Variants in GDPD4 observed in about 807,000 individuals in gnomAD.
GDPD4 encodes glycerophosphodiester phosphodiesterase domain containing 4.
A neutral mutation model predicts 67.8 loss-of-function variants in GDPD4; 60 were observed. That is an observed-to-expected ratio of 0.88 (90% CI 0.72 to 1.10). GDPD4 has a LOEUF of 1.10. Ranked by LOEUF, GDPD4 falls within the 50% of genes least tolerant of loss-of-function variation. GDPD4 has a pLI of 0.00. For synonymous variants in GDPD4, 212 were observed against 210.9 expected (o/e 1.00, Z -0.04); for missense variants, 623 against 613.9 (o/e 1.01, Z -0.16).
At chr11:77,242,948 T>C (rs1958701189) in intron 13 of GDPD4, among the ~76,000 whole-genome samples, 1 of 152,124 alleles carries the variant, frequency 6.6e-6, no homozygotes, top group African/African-American at 2.4e-5. Context: ...TATAGATAGG[T>C]AGATAATAGA....
chr11:77,235,219 G>A (rs538894517), intron 13 of GDPD4, among the ~76,000 whole-genome samples: 1 of 151,936 alleles, frequency 6.6e-6, no homozygotes, highest in South Asian at 2.1e-4. Context: ...CAAGTGGAGT[G>A]ACATATGTGT....
chr11:77,236,093 GA>G (rs1160336266), intron 13 of GDPD4, among the ~76,000 whole-genome samples: 1 of 150,842 alleles, frequency 6.6e-6, no homozygotes, highest in Non-Finnish European at 1.5e-5. Context: ...AGGACAAATA[GA>G]AAAAAAATAG....
In GDPD4 at chr11:77,217,242, C is replaced by G. The variant is rs1565500524; in HGVS notation, c.*35G>C. 1 of 1,533,452 alleles carries G rather than the reference C, an allele frequency of 6.5e-7. No homozygotes were observed. 95.0% of individuals were successfully genotyped at this position (1,533,452 alleles called of 1,614,324 possible). ...GTCCAAGGACCTTCCACAACTCGGACAGGAGGTTTCATGGCTATGTGCAAA... is the reference window on the plus strand; with the variant it reads ...GTCCAAGGACCTTCCACAACTCGGAGAGGAGGTTTCATGGCTATGTGCAAA... On this transcript the variant is annotated 3_prime_UTR_variant, in exon 17 of 17. Coordinates refer to ENST00000315938, the MANE Select transcript of GDPD4 (RefSeq NM_182833.3).
At chr11:77,259,153 A>AT (rs942927192) in intron 10 of GDPD4, among the ~76,000 whole-genome samples, 15 of 151,744 alleles carry the variant, frequency 9.9e-5, no homozygotes, top group Non-Finnish European at 1.8e-4. Flanking sequence ...TTATTTTTGT[A>AT]TTTTTTAGTA....
intron 16 of GDPD4, among the ~76,000 whole-genome samples, chr11:77,219,303 T>C (rs2135815213): frequency 6.6e-6 from 1 of 152,356 alleles, no homozygotes; most frequent in Middle Eastern, 3.4e-3. Flanking sequence ...GATGGGTAGA[T>C]TGCAAAAATT....
rs1380926908 is a variant in GDPD4 at position 77,252,050 on chromosome 11, G to GTTTTTTT, written c.864+6335_864+6336insAAAAAAA. On this transcript the variant is annotated intron_variant, in intron 11 of 16. Transcript: ENST00000315938. ...GGTGTCCATTTGGGTTTTTTTGTTT[G>GTTTTTTT]TTTGTTTTTTTTTTGTTTTTTTTTT... is the stretch of plus-strand genomic sequence containing the variant. 2.5e-4 allele frequency among the ~76,000 whole-genome samples: 18 copies of GTTTTTTT among 71,936 alleles called. 1 individual carries two copies. The highest frequency in any genetic ancestry group is 8.9e-4 in the African/African-American group (16 of 17,914). The allele number at this position is 71,936 out of a possible 152,430, so 47.2% of individuals were successfully genotyped here. A position where few individuals can be genotyped will look rare whatever the true frequency, so the allele number is the denominator to read the frequency against.
intron 16 of GDPD4, among the ~76,000 whole-genome samples, chr11:77,223,844 C>T (rs1295414974): frequency 6.6e-6 from 1 of 152,178 alleles, no homozygotes; most frequent in African/African-American, 2.4e-5. Flanking sequence ...CTCCGGTGGG[C>T]TCCACCTAAT....
intron 16 of GDPD4, among the ~76,000 whole-genome samples, chr11:77,223,861 G>A (rs558748354): frequency 3.2e-4 from 48 of 152,240 alleles, no homozygotes; most frequent in African/African-American, 8.9e-4. Flanking sequence ...TAATTTGAGC[G>A]TCCTGGCTGC....
chr11:77,277,472 G>A (rs1959533932), intron 4 of GDPD4, among the ~76,000 whole-genome samples: 3 of 126,914 alleles, frequency 2.4e-5, no homozygotes, highest in Non-Finnish European at 4.7e-5. Context: ...GCTCGATCTC[G>A]GCTCAGTGCA....
At chr11:77,268,616 C>A (rs1959190325) in intron 9 of GDPD4, 77 bp from the exon 10 acceptor site, 2 of 1,165,150 alleles carry the variant, frequency 1.7e-6, no homozygotes, top group African/African-American at 1.6e-5. Flanking sequence ...AGGGGTAGAG[C>A]CCAGTAGGAT....
At chr11:77,299,534 AAG>A (rs1438781181) in intron 1 of GDPD4, among the ~76,000 whole-genome samples, 1 of 152,218 alleles carries the variant, frequency 6.6e-6, no homozygotes, top group African/African-American at 2.4e-5. Context: ...ATTTAACAGT[AAG>A]AGTTTATTGC....
At position 77,216,643 on chromosome 11, in the gene GDPD4, C is replaced by A. The variant is rs571162340; in HGVS notation, c.*634G>T. ...AGGTGTTAGGATGAGATAAACCTGA[C>A]AGCAACCAGTTCCAAGACCACACAC... On this transcript the variant is annotated 3_prime_UTR_variant, in exon 17 of 17. Coordinates refer to ENST00000315938, the MANE Select transcript of GDPD4 (RefSeq NM_182833.3). The A allele has an allele frequency of 2.8e-4, 124 of 444,918 alleles. No individual in the cohort carries two copies. Among genetic ancestry groups the A allele is most frequent in the Non-Finnish European group, 8.5e-5 (21 of 247,078 alleles). The allele number at this position is 444,918 out of a possible 1,614,324, so 27.6% of individuals were successfully genotyped here. A position where few individuals can be genotyped will look rare whatever the true frequency, so the allele number is the denominator to read the frequency against.
rs1958271632 is a variant in GDPD4 at position 77,223,717 on chromosome 11, ACT to A, written c.1525+4145_1525+4146del. Among the ~76,000 whole-genome samples the A allele has an allele frequency of 3.3e-5, 5 of 151,746 alleles. No homozygotes were observed. In the South Asian group the frequency reaches 8.3e-4, roughly 25 times the overall value. On this transcript the variant is annotated intron_variant, in intron 16 of 16. Coordinates refer to ENST00000315938, the MANE Select transcript of GDPD4 (RefSeq NM_182833.3). Reference sequence around the variant, plus strand: ...CAAACACTGTGCTGAGAGAACCACTACTCTCTTCAGAGCTGTCAGACAGGGAC... The same window carrying A: ...CAAACACTGTGCTGAGAGAACCACTACTCTTCAGAGCTGTCAGACAGGGAC...
At position 77,245,323 on chromosome 11, in the gene GDPD4, T is replaced by C. The variant is rs1181200966; in HGVS notation, c.1044A>G (p.Gln348=). 7 of 1,614,062 alleles carry C rather than the reference T, an allele frequency of 4.3e-6. No homozygotes were observed. The highest frequency in any genetic ancestry group is 4.5e-5 in the East Asian group (2 of 44,892). ...TAGAGGCAAGGATCACGCTTACTAC[T>C]TGGCGGACAAATGTGTGTCTGAGAG... ...KHPLRHTFVR[Q]VVSVILASKI... is the part of the protein sequence containing the mutation. The change falls in exon 12 of 17, where the codon CAA becomes CAG. Residue 348 remains glutamine, a synonymous_variant. Transcript: ENST00000315938.
At chr11:77,273,838 C>G (rs1959329414) in intron 5 of GDPD4, among the ~76,000 whole-genome samples, 1 of 152,234 alleles carries the variant, frequency 6.6e-6, no homozygotes, top group Admixed American at 6.5e-5. Context: ...AGCTAACCTA[C>G]TCCCTATATC....
intron 1 of GDPD4, among the ~76,000 whole-genome samples, chr11:77,297,063 A>AC (rs1555129135): frequency 7.1e-5 from 10 of 139,900 alleles, no homozygotes; most frequent in Admixed American, 4.7e-4. Flanking sequence ...AAAAAAACAA[A>AC]AAAAAAAAAA....
intron 4 of GDPD4, among the ~76,000 whole-genome samples, chr11:77,277,654 T>G (rs1051883516): frequency 2.6e-5 from 4 of 152,056 alleles, no homozygotes; most frequent in African/African-American, 4.8e-5. Flanking sequence ...TCTTTATTAG[T>G]CTTGCTAGCG....
chr11:77,227,867 T>A lies in GDPD4; in HGVS notation c.1522A>T (p.Thr508Ser). The change falls in exon 16 of 17, where the codon ACA becomes TCA. Residue 508 changes from threonine to serine, a missense_variant. Thr to Ser is a moderately conservative substitution (Grantham distance 58, BLOSUM62 1). Coordinates refer to ENST00000315938, the MANE Select transcript of GDPD4 (RefSeq NM_182833.3). The stretch of plus-strand genomic sequence containing the variant: ...TGGGCTAGGCCTCTGACTTTACCTG[T>A]GCGAGTGCTGGAGGTTTCAAACAAT... ...EKLFETSSTR[T>S]DTQSGSKNEE... is the part of the protein sequence containing the mutation. 5 of 1,612,322 alleles carry A rather than the reference T, an allele frequency of 3.1e-6. No homozygotes were observed. Among genetic ancestry groups the A allele is most frequent in the Non-Finnish European group, 4.2e-6 (5 of 1,178,394 alleles).
chr11:77,285,423 CTTCT>C (rs1959954069), intron 2 of GDPD4, among the ~76,000 whole-genome samples: 1 of 152,164 alleles, frequency 6.6e-6, no homozygotes, highest in Admixed American at 6.5e-5. Context: ...TACACTGTTT[CTTCT>C]TTGAGGAAAA....
Sources: allele counts gnomAD v4.1 joint callset (sites outside exome capture counted in the v4.1 genomes callset), GRCh38; gene constraint gnomAD v4.1.1; transcripts MANE v1.5; gene names NCBI Gene and HGNC (gene_info 2026-07-23, HGNC 2026-07-21).